TNPO3: variants seen among roughly 807,000 people sequenced by gnomAD.
TNPO3 encodes the protein transportin 3, also known as transportin-3.
A neutral mutation model predicts 122.8 loss-of-function variants in TNPO3; 65 were observed. That is an observed-to-expected ratio of 0.53 (90% CI 0.43 to 0.65). The LOEUF (loss-of-function observed/expected upper bound fraction) is 0.65. Ranked by LOEUF, TNPO3 falls within the 30% of genes least tolerant of loss-of-function variation. The pLI is 0.00. For synonymous variants in TNPO3, 372 were observed against 411.2 expected, an observed-to-expected ratio of 0.90 and a Z score of 1.15; for missense variants, 850 against 1,136.7, an observed-to-expected ratio of 0.75 and a Z score of 3.63.
chr7:128,979,114 C>T lies in TNPO3; in HGVS notation c.1930G>A (p.Val644Ile), dbSNP rs1418934519. 1.2e-6 allele frequency: 2 copies of T among 1,614,008 alleles called. No individual in the cohort carries two copies. The highest frequency in any genetic ancestry group is 3.3e-5 in the Admixed American group (2 of 60,002). The change falls in exon 16 of 23, where the codon GTT becomes ATT. Residue 644 changes from valine to isoleucine, a missense_variant. Transcript: ENST00000265388. Reference sequence around the variant, plus strand: ...TGCTTATTTAGAGTCTCGGATAAAACTGGCCATATCTGGGTCAAAAGTAAA... The same window carrying T: ...TGCTTATTTAGAGTCTCGGATAAAATTGGCCATATCTGGGTCAAAAGTAAA... ...CQKVIQEIWPVLSETLNKHRA... is the reference protein window; with the variant it reads ...CQKVIQEIWPILSETLNKHRA...
Position 128,990,057 on chromosome 7 carries a change from G to T in TNPO3, c.1402C>A (p.Arg468Ser), listed in dbSNP as rs781140128. 1 of 1,614,162 alleles carries T rather than the reference G, an allele frequency of 6.2e-7. No homozygotes were observed. Among genetic ancestry groups the T allele is most frequent in the Non-Finnish European group, 8.5e-7 (1 of 1,180,024 alleles). The change falls in exon 11 of 23, where the codon CGC becomes AGC. Residue 468 changes from arginine to serine, a missense_variant. Arg to Ser is a moderately radical substitution (Grantham distance 110). Transcript: ENST00000265388. Reference protein sequence around the residue: ...TLVEVLEGVVRLPETVHTAVR... With the variant: ...TLVEVLEGVVSLPETVHTAVR... Reference sequence around the variant, plus strand: ...GCCGTATGTACGGTCTCCGGGAGGCGGACAACTCCTTCTAGGACTTCCACA... The same window carrying T: ...GCCGTATGTACGGTCTCCGGGAGGCTGACAACTCCTTCTAGGACTTCCACA...
At position 128,986,623 on chromosome 7, in the gene TNPO3, T is replaced by TA. The variant is rs1215729931; in HGVS notation, c.1690+105dup. The TA allele has an allele frequency of 3.7e-6, 4 of 1,076,796 alleles. No homozygotes were observed. In the African/African-American group the frequency reaches 6.4e-5, roughly 17 times the overall value. 66.7% of individuals were successfully genotyped at this position (1,076,796 alleles called of 1,614,324 possible). A position where few individuals can be genotyped will look rare whatever the true frequency, so the allele number is the denominator to read the frequency against. ...CCATCTTCCTCATCTTATAAATTCT[T>TA]AAACACTAAGTACATTGCAACTGAA... On this transcript the variant is annotated intron_variant, in intron 12 of 22. Coordinates refer to ENST00000265388, the MANE Select transcript of TNPO3 (RefSeq NM_012470.4).
At chr7:129,046,807 A>C (rs1808110129) in intron 1 of TNPO3, among the ~76,000 whole-genome samples, 1 of 152,222 alleles carries the variant, frequency 6.6e-6, no homozygotes, top group Non-Finnish European at 1.5e-5. Flanking sequence ...CAGGCAAGAG[A>C]GAGCTTGTGG....
chr7:129,050,473 G>T lies in TNPO3; in HGVS notation c.120+4178C>A, dbSNP rs114683098. ...GAAAAAAGTTTAAATAAATAAAAGGGTCAAAATCTGTGTAAGAAGCAGTAG... is the reference window on the plus strand; with the variant it reads ...GAAAAAAGTTTAAATAAATAAAAGGTTCAAAATCTGTGTAAGAAGCAGTAG... On this transcript the variant is annotated intron_variant, in intron 1 of 22. Transcript: ENST00000265388. Among the ~76,000 whole-genome samples the T allele has an allele frequency of 1.8e-3, 272 of 151,882 alleles. 1 individual carries two copies. Among genetic ancestry groups the T allele is most frequent in the African/African-American group, 6.4e-3 (263 of 41,394 alleles).
intron 12 of TNPO3, among the ~76,000 whole-genome samples, chr7:128,986,300 T>C (rs142841455): frequency 1.7e-4 from 26 of 152,318 alleles, no homozygotes; most frequent in Non-Finnish European, 3.5e-4. Context: ...AGCTGATCAG[T>C]AATGGTTAAA....
chr7:129,038,287 C>T (rs1010879566), intron 1 of TNPO3, among the ~76,000 whole-genome samples: 3 of 151,942 alleles, frequency 2.0e-5, no homozygotes, highest in African/African-American at 4.8e-5. Context: ...TGAAAGCATT[C>T]GACACCAAGA....
intron 4 of TNPO3, among the ~76,000 whole-genome samples, chr7:129,007,488 G>A (rs1056739778): frequency 6.6e-6 from 1 of 152,056 alleles, no homozygotes; most frequent in Non-Finnish European, 1.5e-5. Flanking sequence ...ATAATGATTC[G>A]TGTATTACCA....
intron 1 of TNPO3, among the ~76,000 whole-genome samples, chr7:129,046,834 A>C (rs1035578122): frequency 6.6e-6 from 1 of 152,202 alleles, no homozygotes; most frequent in African/African-American, 2.4e-5. Flanking sequence ...ACTCACATTT[A>C]TAAAACCATC....
chr7:128,988,941 G>GT (rs1409597867), intron 11 of TNPO3, among the ~76,000 whole-genome samples: 1 of 152,070 alleles, frequency 6.6e-6, no homozygotes, highest in Non-Finnish European at 1.5e-5. Context: ...AGTGGGCATG[G>GT]TGGCATGCAC....
Position 129,018,002 on chromosome 7 carries a change from G to A in TNPO3, c.276C>T (p.Thr92=). 2 of 1,614,084 alleles carry A rather than the reference G, an allele frequency of 1.2e-6. No individual in the cohort carries two copies. The highest frequency in any genetic ancestry group is 1.7e-6 in the Non-Finnish European group (2 of 1,180,006). ...SHASLRDSLL[T]HIQNLKDLSP... ...ACAAGTCTTTCAAGTTCTGGATATG[G>A]GTTAGCAATGAGTCCCGTAAAGAGG... is the stretch of plus-strand genomic sequence containing the variant. Residue 92 remains threonine, a synonymous_variant, in exon 2 of 23, where the codon ACC becomes ACT. Transcript: ENST00000265388.
At chr7:129,049,225 T>C (rs1299830064) in intron 1 of TNPO3, among the ~76,000 whole-genome samples, 1 of 152,184 alleles carries the variant, frequency 6.6e-6, no homozygotes, top group Admixed American at 6.5e-5. Context: ...ATGAGAAATA[T>C]TTCAGCTATT....
intron 1 of TNPO3, 44 bp downstream of exon 1, chr7:129,054,607 C>A (rs765130319): frequency 9.3e-6 from 15 of 1,608,886 alleles, no homozygotes; most frequent in Non-Finnish European, 1.3e-5. Context: ...GGTTCCACCC[C>A]GCCCCGGCCG....
chr7:128,993,743 G>A, intron 9 of TNPO3, 64 bp downstream of exon 9: 2 of 1,356,134 alleles, frequency 1.5e-6, no homozygotes, highest in Non-Finnish European at 2.1e-6. Flanking sequence ...ATTCACAGAA[G>A]ACACAGAAGT....
intron 21 of TNPO3, among the ~76,000 whole-genome samples, chr7:128,965,492 G>A (rs1162327700): frequency 2.6e-5 from 4 of 152,162 alleles, no homozygotes; most frequent in Admixed American, 2.6e-4. Context: ...ACTGCTAGTG[G>A]GAATGTAAAA....
At chr7:128,955,865 A>G (rs1287080441) in intron 22 of TNPO3, among the ~76,000 whole-genome samples, 1 of 152,260 alleles carries the variant, frequency 6.6e-6, no homozygotes, top group Non-Finnish European at 1.5e-5. Context: ...GGACTCTGGT[A>G]CCAGAATATC....
upstream of TNPO3, chr7:129,056,047 G>A (rs958959090): frequency 6.9e-6 from 8 of 1,151,554 alleles, no homozygotes; most frequent in Non-Finnish European, 9.1e-6. Flanking sequence ...TTCTTCGTGG[G>A]GAGGAACTGG....
chr7:128,990,765 C>A (rs1232460728), intron 10 of TNPO3, among the ~76,000 whole-genome samples: 1 of 152,190 alleles, frequency 6.6e-6, no homozygotes, highest in African/African-American at 2.4e-5. Context: ...CTCCCTCTGT[C>A]CCCCACAAAA....
At chr7:128,982,805 A>G (rs889190347) in intron 13 of TNPO3, among the ~76,000 whole-genome samples, 1 of 152,238 alleles carries the variant, frequency 6.6e-6, no homozygotes, top group Non-Finnish European at 1.5e-5. Context: ...GTAAATCATC[A>G]GAGATGAACT....
At chr7:128,991,920 T>C (rs552287498) in intron 10 of TNPO3, 79 bp downstream of exon 10, 4 of 1,002,456 alleles carry the variant, frequency 4.0e-6, no homozygotes, top group Non-Finnish European at 5.9e-6. Context: ...GTATATACCA[T>C]ATAAGAAAAA....
Sources: gnomAD v4.1 joint callset for allele counts (sites outside exome capture counted in the v4.1 genomes callset) on GRCh38, gnomAD v4.1.1 for gene constraint, MANE v1.5 for transcripts, NCBI Gene and HGNC (gene_info 2026-07-23, HGNC 2026-07-21) for gene names.